The following ARSJ variants were observed in gnomAD, a reference collection of about 807,000 sequenced individuals.
The protein encoded by ARSJ is arylsulfatase J.
A neutral mutation model predicts 35.9 loss-of-function variants in ARSJ; 26 were observed. The ratio of observed to expected loss-of-function variants is 0.72; its 90% CI spans 0.53 to 1.00. The LOEUF (loss-of-function observed/expected upper bound fraction) is 1.00, where lower values mean the gene tolerates loss of function less well. Ranked by LOEUF, ARSJ falls within the 50% of genes least tolerant of loss-of-function variation. ARSJ has a pLI of 0.00. For missense variants in ARSJ, 667 were observed against 723.6 expected, an observed-to-expected ratio of 0.92 and a Z score of 0.90; for synonymous variants, 294 against 267.6, an observed-to-expected ratio of 1.10 and a Z score of -0.96.
At chr4:113,905,789 A>T (rs2099668559) in intron 1 of ARSJ, among the ~76,000 whole-genome samples, 1 of 144,798 alleles carries the variant, frequency 6.9e-6, no homozygotes, top group African/African-American at 2.6e-5. Context: ...TGCCTCAGCC[A>T]CCCGAGTAGC....
At chr4:113,955,894 T>G (rs1219270063) in intron 1 of ARSJ, among the ~76,000 whole-genome samples, 1 of 152,146 alleles carries the variant, frequency 6.6e-6, no homozygotes, top group Non-Finnish European at 1.5e-5. Flanking sequence ...TAGAAAATGT[T>G]GCCTTTTAGT....
chr4:113,956,901 T>C (rs1235714154), intron 1 of ARSJ, among the ~76,000 whole-genome samples: 1 of 151,970 alleles, frequency 6.6e-6, no homozygotes, highest in Admixed American at 6.6e-5. Flanking sequence ...CAACAGCCTA[T>C]GCTTTTCAGG....
intron 1 of ARSJ, among the ~76,000 whole-genome samples, chr4:113,975,233 T>C (rs1727519072): frequency 6.6e-6 from 1 of 152,116 alleles, no homozygotes; most frequent in African/African-American, 2.4e-5. Context: ...ATTATTTGAG[T>C]TTCCTTCACA....
At chr4:113,929,194 T>C (rs904903538) in intron 1 of ARSJ, among the ~76,000 whole-genome samples, 4 of 152,084 alleles carry the variant, frequency 2.6e-5, no homozygotes, top group Non-Finnish European at 5.9e-5. Flanking sequence ...ACTCAAAAAG[T>C]TCTTTTTGAG....
chr4:113,964,039 C>G (rs779048134), intron 1 of ARSJ, among the ~76,000 whole-genome samples: 1 of 151,856 alleles, frequency 6.6e-6, no homozygotes, highest in Non-Finnish European at 1.5e-5. Context: ...GAAAAGAAAA[C>G]AGATCTAAAA....
At chr4:113,940,144 C>T (rs4460079) in intron 1 of ARSJ, among the ~76,000 whole-genome samples, 89,347 of 151,856 alleles carry the variant, frequency 0.59, 26,529 homozygotes, top group East Asian at 0.81. Flanking sequence ...GCTGGGTTTA[C>T]ACCCAAAGGA....
chr4:113,922,224 C>T (rs192738851), intron 1 of ARSJ, among the ~76,000 whole-genome samples: 2 of 152,224 alleles, frequency 1.3e-5, no homozygotes, highest in East Asian at 3.9e-4. Context: ...AAGTACTGTG[C>T]TGAAATTCGT....
chr4:113,917,040 C>A (rs1174113227), intron 1 of ARSJ, among the ~76,000 whole-genome samples: 1 of 152,130 alleles, frequency 6.6e-6, no homozygotes, highest in Non-Finnish European at 1.5e-5. Flanking sequence ...ATTCTTTACT[C>A]ATATCATAAC....
intron 1 of ARSJ, among the ~76,000 whole-genome samples, chr4:113,930,604 CA>C (rs1389309703): frequency 4.6e-5 from 7 of 152,208 alleles, no homozygotes; most frequent in Admixed American, 6.5e-5. Flanking sequence ...TGAAAGTGAA[CA>C]TTTTTTTTAT....
At chr4:113,934,247 C>T (rs1443114496) in intron 1 of ARSJ, among the ~76,000 whole-genome samples, 1 of 151,790 alleles carries the variant, frequency 6.6e-6, no homozygotes, top group Non-Finnish European at 1.5e-5. Flanking sequence ...GCAAATTCCA[C>T]TGCTGGGTGT....
chr4:113,940,234 C>A (rs796641323), intron 1 of ARSJ, among the ~76,000 whole-genome samples: 1 of 152,144 alleles, frequency 6.6e-6, no homozygotes, highest in Non-Finnish European at 1.5e-5. Flanking sequence ...CACATGGAAT[C>A]AACCCAAATG....
chr4:113,979,115 G>T lies in ARSJ; in HGVS notation c.-281C>A, dbSNP rs1727779374. 6.7e-6 allele frequency: 2 copies of T among 299,330 alleles called. No individual in the cohort carries two copies. The highest frequency in any genetic ancestry group is 2.2e-4 in the South Asian group (2 of 9,056). 18.5% of individuals were successfully genotyped at this position (299,330 alleles called of 1,614,324 possible). A position where few individuals can be genotyped will look rare whatever the true frequency, so the allele number is the denominator to read the frequency against. On this transcript the variant is annotated 5_prime_UTR_variant, in exon 1 of 2. Transcript: ENST00000315366. The stretch of plus-strand genomic sequence containing the variant: ...CAGCTTCCACCAAGGAAAAAAAAAA[G>T]AAAAAAGTTAATATCTCCACCCAAA...
intron 1 of ARSJ, among the ~76,000 whole-genome samples, chr4:113,976,025 C>T (rs561343940): frequency 1.3e-5 from 2 of 152,180 alleles, no homozygotes; most frequent in Admixed American, 6.5e-5. Context: ...TACACATGAA[C>T]GCTTATTGAC....
intron 1 of ARSJ, among the ~76,000 whole-genome samples, chr4:113,927,047 C>T (rs1161147803): frequency 6.6e-6 from 1 of 152,122 alleles, no homozygotes; most frequent in African/African-American, 2.4e-5. Context: ...GCAGAGCGTT[C>T]TTTTGTTCTG....
At chr4:113,924,087 ATATAT>A (rs1723889986) in intron 1 of ARSJ, among the ~76,000 whole-genome samples, 1 of 127,626 alleles carries the variant, frequency 7.8e-6, no homozygotes, top group African/African-American at 3.3e-5. Flanking sequence ...ATATATATAT[ATATAT>A]ATATATATAT....
chr4:113,940,158 T>C (rs145699651), intron 1 of ARSJ, among the ~76,000 whole-genome samples: 2 of 152,228 alleles, frequency 1.3e-5, no homozygotes, highest in East Asian at 3.9e-4. Context: ...CAAAGGAATA[T>C]AAATCATTCT....
chr4:113,919,558 T>A (rs1723535472), intron 1 of ARSJ, among the ~76,000 whole-genome samples: 1 of 152,216 alleles, frequency 6.6e-6, no homozygotes, highest in Non-Finnish European at 1.5e-5. Flanking sequence ...ACCACATGGC[T>A]TTCAGGTCAT....
intron 1 of ARSJ, among the ~76,000 whole-genome samples, chr4:113,925,593 C>A (rs566154898): frequency 5.8e-4 from 88 of 152,252 alleles, no homozygotes; most frequent in Middle Eastern, 3.4e-3. Context: ...CAGGGTAAAA[C>A]CAGTGAATTT....
At chr4:113,957,294 C>A (rs1015535311) in intron 1 of ARSJ, among the ~76,000 whole-genome samples, 4 of 151,956 alleles carry the variant, frequency 2.6e-5, no homozygotes, top group African/African-American at 4.8e-5. Flanking sequence ...ATTTAAATAT[C>A]TCTATTAGCA....
Sources: allele counts gnomAD v4.1 joint callset (sites outside exome capture counted in the v4.1 genomes callset), GRCh38; gene constraint gnomAD v4.1.1; transcripts MANE v1.5; gene names NCBI Gene and HGNC (gene_info 2026-07-23, HGNC 2026-07-21).